The following WDR7 variants were observed in gnomAD, a reference collection of about 807,000 sequenced individuals.
WDR7 encodes the protein WD repeat domain 7, also known as WD repeat-containing protein 7.
In WDR7, 46 loss-of-function variants were observed where a neutral mutation model predicts 169.4. That is an observed-to-expected ratio of 0.27 (90% CI 0.21 to 0.35). The LOEUF (loss-of-function observed/expected upper bound fraction) is 0.35, where lower values mean the gene tolerates loss of function less well. WDR7 is among the 10% of genes least tolerant of loss of function. The pLI, the probability that WDR7 is intolerant of heterozygous loss-of-function variation, is 1.00. For synonymous variants in WDR7, 612 were observed against 666.8 expected, an observed-to-expected ratio of 0.92 and a Z score of 1.27; for missense variants, 1,534 against 1,859.3, an observed-to-expected ratio of 0.83 and a Z score of 3.22.
At chr18:56,804,393 A>T (rs551357929) in intron 19 of WDR7, among the ~76,000 whole-genome samples, 32 of 152,208 alleles carry the variant, frequency 2.1e-4, no homozygotes, top group Non-Finnish European at 4.1e-4. Context: ...ATTCTGGAAA[A>T]GGTAATTTAA....
At chr18:56,766,561 A>AT (rs559596160) in intron 16 of WDR7, among the ~76,000 whole-genome samples, 8 of 150,896 alleles carry the variant, frequency 5.3e-5, no homozygotes, top group Admixed American at 1.3e-4. Flanking sequence ...ATTTATTTTT[A>AT]TTTTTTTTTA....
Position 56,816,061 on chromosome 18 carries a change from T to C in WDR7, c.3221T>C (p.Ile1074Thr). Residue 1074 changes from isoleucine (I) to threonine (T), a missense_variant, in exon 20 of 28, where the codon ATC (isoleucine) becomes ACC (threonine). Ile to Thr is a moderately conservative substitution (Grantham distance 89, BLOSUM62 -1). Transcript: ENST00000254442. ...GTCACATCAGAAGCCGCGCAGACTA[T>C]CACCACGGCTCCTGATGCCTCAGGG... ...PGVTSEAAQT[I>T]TTAPDASGPE... 2 of 1,613,184 alleles carry C rather than the reference T, an allele frequency of 1.2e-6. No homozygotes were observed. The highest frequency in any genetic ancestry group is 1.7e-6 in the Non-Finnish European group (2 of 1,179,762).
rs138766161 is a variant in WDR7 at position 56,724,365 on chromosome 18, C to T, written c.1774+6206C>T. On this transcript the variant is annotated intron_variant, in intron 13 of 27. Transcript: ENST00000254442. ...GAAGCTGGGATTATAGGCACCACCA[C>T]GCTCAGTTAATTTTTTGTATTTTTA... Among the ~76,000 whole-genome samples, 92 of 151,660 alleles carry T rather than the reference C, an allele frequency of 6.1e-4. 1 individual carries two copies. In the East Asian group the frequency reaches 0.015, roughly 25 times the overall value.
chr18:56,843,298 A>G (rs1249372466), intron 20 of WDR7, among the ~76,000 whole-genome samples: 1 of 152,186 alleles, frequency 6.6e-6, no homozygotes, highest in Non-Finnish European at 1.5e-5. Context: ...TTGTTCAGCC[A>G]TCACCACCAA....
At chr18:56,939,534 T>C (rs963935601) in intron 25 of WDR7, 141 bp downstream of exon 25, 6 of 516,438 alleles carry the variant, frequency 1.2e-5, no homozygotes, top group African/African-American at 9.9e-5. Flanking sequence ...TAAAACAATA[T>C]GGGCAGGTTA....
At chr18:56,718,298 G>T in intron 13 of WDR7, 139 bp downstream of exon 13, 1 of 932,876 alleles carries the variant, frequency 1.1e-6, no homozygotes, top group Non-Finnish European at 1.5e-6. Flanking sequence ...TTGTTTAAGT[G>T]GCCTCTTTTT....
intron 19 of WDR7, among the ~76,000 whole-genome samples, chr18:56,810,101 A>C (rs2044843915): frequency 6.6e-6 from 1 of 152,180 alleles, no homozygotes; most frequent in Non-Finnish European, 1.5e-5. Flanking sequence ...ATTTTAAAAA[A>C]TATTATTCCT....
chr18:56,905,168 T>TGA (rs528454151), intron 21 of WDR7, among the ~76,000 whole-genome samples: 297 of 152,332 alleles, frequency 1.9e-3, no homozygotes, highest in African/African-American at 6.8e-3. Flanking sequence ...TATTCTGTTT[T>TGA]GAGATAGTCT....
At chr18:56,833,830 T>C (rs1197795782) in intron 20 of WDR7, among the ~76,000 whole-genome samples, 1 of 152,182 alleles carries the variant, frequency 6.6e-6, no homozygotes, top group Non-Finnish European at 1.5e-5. Flanking sequence ...AACTTTTGCT[T>C]ACACACTGTA....
intron 14 of WDR7, among the ~76,000 whole-genome samples, chr18:56,755,842 G>T (rs985766513): frequency 6.6e-6 from 1 of 152,168 alleles, no homozygotes. Context: ...GGATGCTGGA[G>T]AGGTGGCTTC....
At chr18:56,853,785 T>TA (rs1370830075) in intron 20 of WDR7, among the ~76,000 whole-genome samples, 2 of 152,166 alleles carry the variant, frequency 1.3e-5, no homozygotes, top group African/African-American at 4.8e-5. Context: ...ATTTTAAGCT[T>TA]AAAAAAGGTA....
At chr18:56,868,288 A>G (rs1407590153) in intron 20 of WDR7, among the ~76,000 whole-genome samples, 3 of 152,200 alleles carry the variant, frequency 2.0e-5, no homozygotes, top group Non-Finnish European at 4.4e-5. Flanking sequence ...AAAAATGAAT[A>G]CTACAGATAC....
rs142723527 is a variant in WDR7, at chr18:56,759,508, C to T, written c.2848+555C>T. ...TCTCTTCCTCTACTAATAATTTCTA[C>T]ATATTCCTGAGTATAATTAATTAAT... is the stretch of plus-strand genomic sequence containing the variant. On this transcript the variant is annotated intron_variant, in intron 16 of 27. Coordinates refer to ENST00000254442, the MANE Select transcript of WDR7 (RefSeq NM_015285.3). Among the ~76,000 whole-genome samples, 1,363 of 152,248 alleles carry T rather than the reference C, an allele frequency of 9.0e-3. 23 individuals are homozygous for T. The highest frequency in any genetic ancestry group is 0.028 in the African/African-American group (1,181 of 41,560).
At chr18:56,756,035 GAA>G (rs2043880494) in intron 14 of WDR7, among the ~76,000 whole-genome samples, 1 of 152,110 alleles carries the variant, frequency 6.6e-6, no homozygotes, top group African/African-American at 2.4e-5. Flanking sequence ...GAAGAGGAGA[GAA>G]ATAGAAAAGG....
Position 56,695,326 on chromosome 18 carries a change from A to T in WDR7, c.1357+128A>T, listed in dbSNP as rs2025675559. ...GTAGTTAGTTGTTGGGGTGCTATGT[A>T]GTTGGTAGAGTTTAATGCACAGATA... On this transcript the variant is annotated intron_variant, in intron 11 of 27. Transcript: ENST00000254442. 2.6e-6 allele frequency: 3 copies of T among 1,159,486 alleles called. No homozygotes were observed. In the African/African-American group the frequency reaches 4.6e-5, roughly 18 times the overall value. The allele number at this position is 1,159,486 out of a possible 1,614,324, so 71.8% of individuals were successfully genotyped here. A position where few individuals can be genotyped will look rare whatever the true frequency, so the allele number is the denominator to read the frequency against.
intron 5 of WDR7, among the ~76,000 whole-genome samples, chr18:56,684,146 G>A (rs1456224400): frequency 2.0e-5 from 3 of 152,116 alleles, no homozygotes; most frequent in East Asian, 3.9e-4. Context: ...GAGATAGTCT[G>A]TAGGTACAAA....
chr18:56,961,649 C>G (rs977629543), intron 25 of WDR7, among the ~76,000 whole-genome samples: 1 of 152,106 alleles, frequency 6.6e-6, no homozygotes. Flanking sequence ...ACAAGGAATT[C>G]AAATACTTAA....
At chr18:56,909,268 T>C (rs2046522145) in intron 21 of WDR7, among the ~76,000 whole-genome samples, 1 of 152,062 alleles carries the variant, frequency 6.6e-6, no homozygotes, top group African/African-American at 2.4e-5. Flanking sequence ...ATTTGGCTTC[T>C]GGGTGGAAAG....
At chr18:56,765,412 G>T (rs1372884206) in intron 16 of WDR7, among the ~76,000 whole-genome samples, 1 of 151,174 alleles carries the variant, frequency 6.6e-6, no homozygotes, top group Non-Finnish European at 1.5e-5. Context: ...TATTATTTTA[G>T]TAGTTTTTTT....
Sources: allele counts gnomAD v4.1 joint callset (sites outside exome capture counted in the v4.1 genomes callset), GRCh38; gene constraint gnomAD v4.1.1; transcripts MANE v1.5; gene names NCBI Gene and HGNC (gene_info 2026-07-23, HGNC 2026-07-21).